The following PON2 variants were observed in gnomAD, a reference collection of about 807,000 sequenced individuals.
PON2 encodes serum paraoxonase/arylesterase 2.
A neutral mutation model predicts 36.6 loss-of-function variants in PON2; 27 were observed. The ratio of observed to expected loss-of-function variants is 0.74; its 90% CI spans 0.54 to 1.02. The LOEUF (loss-of-function observed/expected upper bound fraction) is 1.02. PON2 is among the 50% of genes least tolerant of loss of function. PON2 has a pLI of 0.00. For missense variants in PON2, 363 were observed against 421.1 expected (o/e 0.86, Z 1.21); for synonymous variants, 149 against 156.3 (o/e 0.95, Z 0.35).
chr7:95,421,814 GA>G, intron 2 of PON2, among the ~76,000 whole-genome samples: 1 of 152,194 alleles, frequency 6.6e-6, no homozygotes, highest in East Asian at 1.9e-4. Context: ...TTTAAAAGAA[GA>G]AAAAAAGAAA....
At chr7:95,423,607 T>C (rs1262214071) in intron 2 of PON2, among the ~76,000 whole-genome samples, 1 of 152,046 alleles carries the variant, frequency 6.6e-6, no homozygotes, top group Non-Finnish European at 1.5e-5. Context: ...CCACAATACA[T>C]CCTACATAAA....
intron 7 of PON2, 167 bp from the exon 8 acceptor site, chr7:95,406,414 G>A: frequency 1.4e-6 from 1 of 712,912 alleles, no homozygotes; most frequent in East Asian, 2.9e-5. Context: ...CTGGTTTGGA[G>A]CCACTTTTCT....
chr7:95,408,717 A>G (rs902947822), intron 6 of PON2, among the ~76,000 whole-genome samples: 3 of 152,326 alleles, frequency 2.0e-5, no homozygotes, highest in Non-Finnish European at 4.4e-5. Flanking sequence ...TTGTATTTGT[A>G]GTAGTTTAAA....
At chr7:95,426,362 A>C (rs1025735591) in intron 1 of PON2, among the ~76,000 whole-genome samples, 11 of 152,244 alleles carry the variant, frequency 7.2e-5, no homozygotes, top group African/African-American at 2.7e-4. Context: ...GTCAAAGGAA[A>C]TAAATAATAA....
chr7:95,434,929 C>T lies in PON2; in HGVS notation c.23G>A (p.Gly8Asp), dbSNP rs1302395134. ...GAGCGCCAGCGCGATCCCCAGCAAGCCCACAGCCACCAGCCGCCCCATGGC... is the reference window on the plus strand; with the variant it reads ...GAGCGCCAGCGCGATCCCCAGCAAGTCCACAGCCACCAGCCGCCCCATGGC... MGRLVAV[G>D]LLGIALALLG... is the part of the protein sequence containing the mutation. The change falls in exon 1 of 9, where the codon GGC (glycine) becomes GAC (aspartate). Residue 8 changes from glycine to aspartate, a missense_variant. Coordinates refer to ENST00000222572, the MANE Select transcript of PON2 (RefSeq NM_000305.3). The T allele has an allele frequency of 4.6e-6, 7 of 1,535,564 alleles. No individual in the cohort carries two copies. The highest frequency in any genetic ancestry group is 2.5e-5 in the East Asian group (1 of 39,950).
intron 1 of PON2, 46 bp downstream of exon 1, chr7:95,434,832 C>G (rs575274915): frequency 1.3e-6 from 2 of 1,527,994 alleles, no homozygotes; most frequent in East Asian, 2.5e-5. Context: ...GCGGCCACCC[C>G]GAGCCTGGGG....
At chr7:95,423,465 C>A (rs551074369) in intron 2 of PON2, among the ~76,000 whole-genome samples, 4 of 152,110 alleles carry the variant, frequency 2.6e-5, no homozygotes, top group Admixed American at 2.6e-4. Context: ...AAGACACAGA[C>A]TCTACCTTGG....
intron 2 of PON2, among the ~76,000 whole-genome samples, chr7:95,420,856 C>G (rs758771029): frequency 4.6e-5 from 7 of 152,130 alleles, no homozygotes; most frequent in Non-Finnish European, 8.8e-5. Flanking sequence ...TTCTTCTTAT[C>G]AAAGACCTGT....
At chr7:95,429,265 T>C (rs1381649995) in intron 1 of PON2, among the ~76,000 whole-genome samples, 1 of 148,534 alleles carries the variant, frequency 6.7e-6, no homozygotes, top group East Asian at 2.1e-4. Flanking sequence ...TTCCCACCTA[T>C]AAGTGAGAAC....
At chr7:95,410,711 A>AT (rs1788901286) in intron 5 of PON2, among the ~76,000 whole-genome samples, 1 of 152,216 alleles carries the variant, frequency 6.6e-6, no homozygotes, top group Non-Finnish European at 1.5e-5. Flanking sequence ...AAACAATTTC[A>AT]TTTTAAGACC....
Position 95,405,106 on chromosome 7 carries a change from C to T in PON2, c.*224G>A. 1 of 504,248 alleles carries T rather than the reference C, an allele frequency of 2.0e-6. No homozygotes were observed. The highest frequency in any genetic ancestry group is 3.6e-6 in the Non-Finnish European group (1 of 280,064). The allele number at this position is 504,248 out of a possible 1,614,324, so 31.2% of individuals were successfully genotyped here. A position where few individuals can be genotyped will look rare whatever the true frequency, so the allele number is the denominator to read the frequency against. ...AAAATGTATTCACTTTATTCGAAAG[C>T]AGCTTTCTTTTCTGTCCCTTGCTTG... On this transcript the variant is annotated 3_prime_UTR_variant, in exon 9 of 9. Coordinates refer to ENST00000222572, the MANE Select transcript of PON2 (RefSeq NM_000305.3).
At position 95,411,646 on chromosome 7, in the gene PON2, G is replaced by A. The variant is rs750504571; in HGVS notation, c.494+7C>T. 6.2e-7 allele frequency: 1 copy of A among 1,613,852 alleles called. No individual in the cohort carries two copies. The highest frequency in any genetic ancestry group is 1.7e-5 in the Admixed American group (1 of 60,002). Reference sequence around the variant, plus strand: ...TAAATTAGAGAAGGAACAAAATGAGGAAGTACCTTGGAAGAAGCTCATGTT... The same window carrying A: ...TAAATTAGAGAAGGAACAAAATGAGAAAGTACCTTGGAAGAAGCTCATGTT... On this transcript the variant is annotated splice_region_variant and intron_variant, in intron 5 of 8. Coordinates refer to ENST00000222572, the MANE Select transcript of PON2 (RefSeq NM_000305.3).
At chr7:95,422,851 G>A (rs191933010) in intron 2 of PON2, among the ~76,000 whole-genome samples, 3 of 152,202 alleles carry the variant, frequency 2.0e-5, no homozygotes, top group East Asian at 3.9e-4. Context: ...ATAAATAAAT[G>A]GTCCCAGGCT....
chr7:95,434,767 G>A, intron 1 of PON2, 111 bp downstream of exon 1: 3 of 1,235,740 alleles, frequency 2.4e-6, no homozygotes, highest in Non-Finnish European at 3.3e-6. Context: ...ACCCCCGGCC[G>A]CAGGGCCAGG....
At chr7:95,418,744 T>C (rs979690999) in intron 2 of PON2, among the ~76,000 whole-genome samples, 2 of 152,232 alleles carry the variant, frequency 1.3e-5, no homozygotes, top group East Asian at 1.9e-4. Context: ...TATGTAAATA[T>C]GTGAAAACTT....
At chr7:95,422,972 A>G (rs1789228340) in intron 2 of PON2, among the ~76,000 whole-genome samples, 1 of 152,200 alleles carries the variant, frequency 6.6e-6, no homozygotes, top group African/African-American at 2.4e-5. Context: ...ACTAGAAACT[A>G]GGTGTTTTGA....
intron 2 of PON2, among the ~76,000 whole-genome samples, chr7:95,420,750 T>C (rs1444225511): frequency 6.6e-6 from 1 of 152,146 alleles, no homozygotes; most frequent in African/African-American, 2.4e-5. Flanking sequence ...AGTGCATAGC[T>C]ACTACTGTTT....
chr7:95,424,263 CACAAA>C, intron 2 of PON2: 1 of 516,350 alleles, frequency 1.9e-6, no homozygotes, highest in South Asian at 2.2e-5. Flanking sequence ...TCAGAGAAGT[CACAAA>C]ACAAGCAAGA....
intron 3 of PON2, among the ~76,000 whole-genome samples, chr7:95,414,259 G>A (rs1789007076): frequency 6.6e-6 from 1 of 152,124 alleles, no homozygotes; most frequent in South Asian, 2.1e-4. Context: ...AAAATGCTAG[G>A]AAGAAGAATG....
Sources: allele counts gnomAD v4.1 joint callset (sites outside exome capture counted in the v4.1 genomes callset), GRCh38; gene constraint gnomAD v4.1.1; transcripts MANE v1.5; gene names NCBI Gene and HGNC (gene_info 2026-07-23, HGNC 2026-07-21).